The following SIPA1L2 variants were observed in gnomAD, a reference collection of about 807,000 sequenced individuals.
The protein encoded by SIPA1L2 is signal-induced proliferation-associated 1-like protein 2.
Under a neutral mutation model 163.9 loss-of-function variants are expected in SIPA1L2, and 56 were observed. That is an observed-to-expected ratio of 0.34 (90% CI 0.28 to 0.43). SIPA1L2 has a LOEUF of 0.43. SIPA1L2 is among the 20% of genes least tolerant of loss of function. The probability of loss-of-function intolerance (pLI) is 1.00; values close to 1 mark genes in which losing one functional copy is unlikely to be tolerated. For synonymous variants in SIPA1L2, 877 were observed against 865.7 expected, an observed-to-expected ratio of 1.01 and a Z score of -0.23; for missense variants, 1,974 against 2,193.5, an observed-to-expected ratio of 0.90 and a Z score of 2.00.
intron 8 of SIPA1L2, among the ~76,000 whole-genome samples, chr1:232,467,640 T>C (rs1047379348): frequency 2.0e-5 from 3 of 152,204 alleles, no homozygotes; most frequent in Non-Finnish European, 4.4e-5. Flanking sequence ...GATAAACCAA[T>C]GTATCACCGC....
chr1:232,531,061 A>G (rs1327548247), intron 2 of SIPA1L2, among the ~76,000 whole-genome samples: 1 of 152,212 alleles, frequency 6.6e-6, no homozygotes, highest in Non-Finnish European at 1.5e-5. Flanking sequence ...TCTAAATTGC[A>G]ACATTTACTG....
chr1:232,475,002 C>T (rs1487944437), intron 7 of SIPA1L2, among the ~76,000 whole-genome samples: 2 of 152,060 alleles, frequency 1.3e-5, no homozygotes, highest in Non-Finnish European at 2.9e-5. Context: ...AGAGAACAGC[C>T]GGGATATGAT....
At chr1:232,530,215 A>C (rs1328923598) in intron 2 of SIPA1L2, among the ~76,000 whole-genome samples, 1 of 32,840 alleles carries the variant, frequency 3.0e-5, no homozygotes, top group African/African-American at 2.7e-4. Context: ...CCCAGGTTCA[A>C]GCGATTCCCC....
intron 3 of SIPA1L2, among the ~76,000 whole-genome samples, chr1:232,500,713 CTG>C (rs1666424441): frequency 6.6e-6 from 1 of 152,186 alleles, no homozygotes; most frequent in Non-Finnish European, 1.5e-5. Flanking sequence ...GGTGAAGATG[CTG>C]TGAACGTTGT....
At chr1:232,571,007 A>C (rs1383249541) in intron 2 of SIPA1L2, among the ~76,000 whole-genome samples, 4 of 151,828 alleles carry the variant, frequency 2.6e-5, no homozygotes, top group Non-Finnish European at 5.9e-5. Context: ...CATACTTGAT[A>C]AAAGAGAACT....
intron 18 of SIPA1L2, among the ~76,000 whole-genome samples, chr1:232,419,451 GT>G (rs1359825280): frequency 6.6e-6 from 1 of 152,180 alleles, no homozygotes; most frequent in African/African-American, 2.4e-5. Flanking sequence ...GTAATTCCCA[GT>G]GTTGAAGGTA....
At chr1:232,482,135 C>A (rs1558212102) in intron 6 of SIPA1L2, among the ~76,000 whole-genome samples, 4 of 152,176 alleles carry the variant, frequency 2.6e-5, no homozygotes, top group African/African-American at 9.7e-5. Context: ...GTTCTCATCT[C>A]CTTGAGCTAA....
intron 10 of SIPA1L2, among the ~76,000 whole-genome samples, chr1:232,451,078 C>A (rs1049930556): frequency 1.3e-5 from 2 of 152,184 alleles, no homozygotes; most frequent in Non-Finnish European, 2.9e-5. Flanking sequence ...ACTTTTACAG[C>A]AACTACTCTT....
At chr1:232,546,386 T>C (rs1303600448) in intron 2 of SIPA1L2, among the ~76,000 whole-genome samples, 1 of 152,336 alleles carries the variant, frequency 6.6e-6, no homozygotes, top group East Asian at 1.9e-4. Flanking sequence ...AAGGGATTTA[T>C]GGCCCACTCC....
At chr1:232,587,551 A>T (rs999711021) in intron 1 of SIPA1L2, among the ~76,000 whole-genome samples, 2 of 152,160 alleles carry the variant, frequency 1.3e-5, no homozygotes, top group Admixed American at 1.3e-4. Context: ...TCAACAGTAC[A>T]AGAGCAACAG....
intron 18 of SIPA1L2, among the ~76,000 whole-genome samples, chr1:232,418,448 G>A (rs1210226062): frequency 6.6e-6 from 1 of 152,156 alleles, no homozygotes; most frequent in African/African-American, 2.4e-5. Context: ...TTCCTGATAC[G>A]TGGCCATTCA....
chr1:232,442,578 G>T (rs957801460), intron 12 of SIPA1L2, among the ~76,000 whole-genome samples: 1 of 141,986 alleles, frequency 7.0e-6, no homozygotes, highest in Non-Finnish European at 1.5e-5. Context: ...GGAAAAAAAA[G>T]ATTAACTCTA....
chr1:232,472,628 T>G (rs1277228180), intron 7 of SIPA1L2, among the ~76,000 whole-genome samples: 1 of 152,202 alleles, frequency 6.6e-6, no homozygotes, highest in East Asian at 1.9e-4. Context: ...ATCTTCAGTT[T>G]TAATACATAC....
intron 15 of SIPA1L2, among the ~76,000 whole-genome samples, chr1:232,434,027 T>C (rs1280595712): frequency 6.6e-6 from 1 of 152,178 alleles, no homozygotes; most frequent in African/African-American, 2.4e-5. Context: ...GGGTAAGCAT[T>C]ATATAAACGT....
At chr1:232,556,540 A>G (rs1658713880) in intron 2 of SIPA1L2, among the ~76,000 whole-genome samples, 1 of 152,218 alleles carries the variant, frequency 6.6e-6, no homozygotes, top group South Asian at 2.1e-4. Flanking sequence ...AATGGCACAT[A>G]AACCCCGTTC....
intron 22 of SIPA1L2, among the ~76,000 whole-genome samples, chr1:232,402,158 A>C (rs1660382087): frequency 6.6e-6 from 1 of 152,194 alleles, no homozygotes; most frequent in South Asian, 2.1e-4. Flanking sequence ...TGCCACACCA[A>C]GGGCTCATCC....
At chr1:232,439,638 C>G in intron 14 of SIPA1L2, 142 bp from the exon 15 acceptor site, 1 of 971,076 alleles carries the variant, frequency 1.0e-6, no homozygotes, top group Non-Finnish European at 1.5e-6. Flanking sequence ...GACAGGACTT[C>G]CTTTTTCAAA....
chr1:232,612,111 G>A (rs894922593), intron 1 of SIPA1L2, among the ~76,000 whole-genome samples: 4 of 152,182 alleles, frequency 2.6e-5, no homozygotes, highest in Admixed American at 6.5e-5. Flanking sequence ...ACATGGTGTC[G>A]AGCTCACGAG....
chr1:232,550,943 TGAAACA>T (rs1362083122), intron 2 of SIPA1L2, among the ~76,000 whole-genome samples: 8 of 151,924 alleles, frequency 5.3e-5, no homozygotes, highest in Admixed American at 1.3e-4. Context: ...TTGAGGACAA[TGAAACA>T]GAAACAGTGG....
Sources: allele counts gnomAD v4.1 joint callset (sites outside exome capture counted in the v4.1 genomes callset), GRCh38; gene constraint gnomAD v4.1.1; transcripts MANE v1.5; gene names NCBI Gene and HGNC (gene_info 2026-07-23, HGNC 2026-07-21).